Variants in P4HTM observed in about 807,000 individuals in gnomAD.
The protein encoded by P4HTM is prolyl 4-hydroxylase, transmembrane.
P4HTM carries 33 observed loss-of-function variants against 55.3 expected under a neutral mutation model. That is an observed-to-expected ratio of 0.60 (90% CI 0.45 to 0.80). The LOEUF is 0.80. Ranked by LOEUF, P4HTM falls within the 30% of genes least tolerant of loss-of-function variation. The pLI, the probability that P4HTM is intolerant of heterozygous loss-of-function variation, is 0.00. For missense variants in P4HTM, 542 were observed against 696.5 expected (o/e 0.78, Z 2.50); for synonymous variants, 272 against 286.4 (o/e 0.95, Z 0.51).
At chr3:49,006,220 C>A in intron 8 of P4HTM, 33 bp downstream of exon 8, 1 of 1,593,942 alleles carries the variant, frequency 6.3e-7, no homozygotes, top group Non-Finnish European at 8.6e-7. Context: ...GGGGGGGGTG[C>A]CCTGAGTACA....
chr3:48,994,932 C>T (rs570397383), intron 2 of P4HTM, among the ~76,000 whole-genome samples: 20 of 152,046 alleles, frequency 1.3e-4, no homozygotes, highest in African/African-American at 4.6e-4. Flanking sequence ...TCCAAACAGC[C>T]GGAACTACAG....
rs1387893155 is a variant in P4HTM at position 48,999,860 on chromosome 3, ACT to A, written c.437-1575_437-1574del. ...TTGTGTGTTAAGCAATCAAGAGGTG[ACT>A]CTGTTGATTTGCAATTTGATCTAAT... is the stretch of plus-strand genomic sequence containing the variant. On this transcript the variant is annotated intron_variant, in intron 2 of 8. Coordinates refer to ENST00000383729, the MANE Select transcript of P4HTM (RefSeq NM_177939.3). This position sits in a 1 kb window ranked among gnomAD's most constrained non-coding sequence, Gnocchi z 4.8. 6.6e-6 allele frequency: 1 copy of A among 151,896 alleles called. No homozygotes were observed. The highest frequency in any genetic ancestry group is 1.5e-5 in the Non-Finnish European group (1 of 67,974). 9.4% of individuals were successfully genotyped at this position (151,896 alleles called of 1,614,324 possible).
At chr3:49,006,651 C>T (rs1194904445) in intron 8 of P4HTM, 36 bp from the exon 9 acceptor site, 3 of 1,589,198 alleles carry the variant, frequency 1.9e-6, no homozygotes, top group Non-Finnish European at 2.6e-6. Flanking sequence ...CTCTGGCCAG[C>T]CCAGCCTAGG....
rs1168269405 is a variant in P4HTM at position 48,990,774 on chromosome 3, G to GC, written c.355-56dup. ...TCGCTCTCCGGGCCGGGGCGACTTGGCCCTTCTTGGGCAGCGCGGTCTGGC... is the reference window on the plus strand; with the variant it reads ...TCGCTCTCCGGGCCGGGGCGACTTGGCCCCTTCTTGGGCAGCGCGGTCTGGC... On this transcript the variant is annotated intron_variant, in intron 1 of 8. Transcript: ENST00000383729. The surrounding 1 kb of genome is among the most constrained non-coding windows in gnomAD (Gnocchi z 7.2). The GC allele has an allele frequency of 2.1e-5, 33 of 1,569,794 alleles. No homozygotes were observed. The highest frequency in any genetic ancestry group is 2.8e-5 in the Non-Finnish European group (32 of 1,144,874).
rs1019872485 is a variant in P4HTM at position 49,002,825 on chromosome 3, T to A, written c.724+229T>A. On this transcript the variant is annotated intron_variant, in intron 4 of 8. Coordinates refer to ENST00000383729, the MANE Select transcript of P4HTM (RefSeq NM_177939.3). The surrounding 1 kb of genome is among the most constrained non-coding windows in gnomAD (Gnocchi z 4.4). ...TGGTGATGGTCTCGAGGGCAGTTCT[T>A]GGAGACCCTTTTGATAACATCAGGC... is the stretch of plus-strand genomic sequence containing the variant. The A allele has an allele frequency of 3.2e-6, 2 of 621,118 alleles. No individual in the cohort carries two copies. Among genetic ancestry groups the A allele is most frequent in the African/African-American group, 3.6e-5 (2 of 55,130 alleles). 38.5% of individuals were successfully genotyped at this position (621,118 alleles called of 1,614,324 possible). A position where few individuals can be genotyped will look rare whatever the true frequency, so the allele number is the denominator to read the frequency against.
rs764380547 is a variant in P4HTM at position 49,001,448 on chromosome 3, C to A, written c.447C>A (p.Gly149=). ...SLKPLLFEIP[G]FLTDEECRLI... is the part of the protein sequence containing the mutation. ...CTCCTCTTCTGGCAGAAATCCCCGG[C>A]TTCCTGACTGATGAAGAGTGTCGGC... Residue 149 remains glycine, a synonymous_variant, in exon 3 of 9, where the codon GGC becomes GGA. Transcript: ENST00000383729. 3.7e-6 allele frequency: 6 copies of A among 1,613,898 alleles called. No homozygotes were observed. The highest frequency in any genetic ancestry group is 4.2e-6 in the Non-Finnish European group (5 of 1,180,022).
chr3:48,990,581 G>T lies in P4HTM; in HGVS notation c.325G>T (p.Gly109Cys), dbSNP rs544836047. 1.5e-4 allele frequency: 246 copies of T among 1,604,418 alleles called. 3 individuals carry two copies. The South Asian group carries it at 2.5e-3, about 16-fold the overall frequency. The change falls in exon 1 of 9, where the codon GGT becomes TGT. Residue 109 changes from glycine (G) to cysteine (C), a missense_variant. This residue lies in a region of P4HTM where 536 missense variants were observed against 672.1 expected (regional missense o/e 0.80). Coordinates refer to ENST00000383729, the MANE Select transcript of P4HTM (RefSeq NM_177939.3). This position sits in a 1 kb window ranked among gnomAD's most constrained non-coding sequence, Gnocchi z 7.2. ...AQGPGPEPTL[G>C]PLTRLEGIKV... is the part of the protein sequence containing the mutation. Reference sequence around the variant, plus strand: ...GGGCCCCGGGCCCGAGCCCACCTTAGGTCCCCTCACCCGGCTGGAGGGCAT... The same window carrying T: ...GGGCCCCGGGCCCGAGCCCACCTTATGTCCCCTCACCCGGCTGGAGGGCAT...
intron 8 of P4HTM, 107 bp from the exon 9 acceptor site, chr3:49,006,580 T>C (rs562386909): frequency 2.3e-6 from 2 of 866,806 alleles, no homozygotes; most frequent in African/African-American, 3.3e-5. Flanking sequence ...GGGTGTTTGC[T>C]ACACAAGGAA....
intron 2 of P4HTM, chr3:48,991,180 T>A: frequency 2.2e-6 from 1 of 446,688 alleles, no homozygotes; most frequent in South Asian, 3.4e-5. Flanking sequence ...GCACCTGTCT[T>A]CCGTGCCACC....
chr3:49,001,098 C>T (rs2092959729), intron 2 of P4HTM: 5 of 376,896 alleles, frequency 1.3e-5, no homozygotes, highest in Non-Finnish European at 2.5e-5. Flanking sequence ...AAGTAGCAAT[C>T]AAGCCTCTGC....
chr3:48,993,515 A>G (rs1242514787), intron 2 of P4HTM, among the ~76,000 whole-genome samples: 2 of 152,110 alleles, frequency 1.3e-5, no homozygotes, highest in African/African-American at 2.4e-5. Context: ...TATTGATGTT[A>G]GGTTAAGTAA....
chr3:49,002,792 G>C lies in P4HTM; in HGVS notation c.724+196G>C. 1 of 679,002 alleles carries C rather than the reference G, an allele frequency of 1.5e-6. No individual in the cohort carries two copies. The allele number at this position is 679,002 out of a possible 1,614,324, so 42.1% of individuals were successfully genotyped here. On this transcript the variant is annotated intron_variant, in intron 4 of 8. Coordinates refer to ENST00000383729, the MANE Select transcript of P4HTM (RefSeq NM_177939.3). The surrounding 1 kb of genome is among the most constrained non-coding windows in gnomAD (Gnocchi z 4.4). ...AAGTAGGCAGGCAGCCAGGCCCCCC[G>C]TTCCCCTTGGTGATGGTCTCGAGGG... is the stretch of plus-strand genomic sequence containing the variant.
chr3:48,996,749 G>A (rs1047049631), intron 2 of P4HTM, among the ~76,000 whole-genome samples: 6 of 152,120 alleles, frequency 3.9e-5, no homozygotes, highest in African/African-American at 1.4e-4. Context: ...GCAAAGCTAC[G>A]GACCGGTAAA....
intron 2 of P4HTM, among the ~76,000 whole-genome samples, chr3:48,993,106 A>G (rs2092935522): frequency 1.3e-5 from 2 of 151,948 alleles, no homozygotes; most frequent in African/African-American, 4.8e-5. Flanking sequence ...GTTGTTCGGG[A>G]CCAGCCTGAC....
At chr3:48,995,114 T>A (rs1160495064) in intron 2 of P4HTM, among the ~76,000 whole-genome samples, 1 of 152,118 alleles carries the variant, frequency 6.6e-6, no homozygotes, top group East Asian at 1.9e-4. Context: ...CATCACTCTC[T>A]TAAATGTCTC....
At chr3:48,990,184 C>T (rs1410432188), upstream of P4HTM, 6 of 1,097,820 alleles carry the variant, frequency 5.5e-6, no homozygotes, top group Non-Finnish European at 6.6e-6. The surrounding 1 kb of genome is among the most constrained non-coding windows in gnomAD (Gnocchi z 7.2). Flanking sequence ...GCCTGGCGGC[C>T]GTTGTCCGGG....
intron 2 of P4HTM, 118 bp downstream of exon 2, chr3:48,991,032 C>T (rs2092929873): frequency 1.4e-6 from 1 of 720,962 alleles, no homozygotes. Context: ...GCAGCCCTTC[C>T]AGAGGATTAC....
chr3:49,002,139 CT>C lies in P4HTM; in HGVS notation c.628-360del, dbSNP rs1407711176. Among the ~76,000 whole-genome samples the C allele has an allele frequency of 6.6e-6, 1 of 152,244 alleles. No homozygotes were observed. Among genetic ancestry groups the C allele is most frequent in the Non-Finnish European group, 1.5e-5 (1 of 68,044 alleles). On this transcript the variant is annotated intron_variant, in intron 3 of 8. Transcript: ENST00000383729. The surrounding 1 kb of genome is among the most constrained non-coding windows in gnomAD (Gnocchi z 4.4). ...GGTCATGCCCTAACCAGGTCTCCCC[CT>C]GGTGCCTGTTCTCCCTTAACACCCA...
At chr3:49,001,369 G>T (rs752637655) in intron 2 of P4HTM, 69 bp from the exon 3 acceptor site, 1 of 1,457,998 alleles carries the variant, frequency 6.9e-7, no homozygotes, top group Non-Finnish European at 9.6e-7. Flanking sequence ...AACCCTGAAG[G>T]GAGGAAGGTA....
Sources: gnomAD v4.1 joint callset for allele counts (sites outside exome capture counted in the v4.1 genomes callset) on GRCh38, gnomAD v4.1.1 for gene constraint, gnomAD v4.1.1 regional missense constraint, Gnocchi (gnomAD v3.1) non-coding constraint, MANE v1.5 for transcripts, NCBI Gene and HGNC (gene_info 2026-07-23, HGNC 2026-07-21) for gene names.